Variants in CHRNA7 observed in about 807,000 individuals in gnomAD.
CHRNA7 encodes the protein cholinergic receptor nicotinic alpha 7 subunit, also known as neuronal acetylcholine receptor subunit alpha-7.
CHRNA7 carries 17 observed loss-of-function variants against 48.0 expected under a neutral mutation model. The observed-to-expected ratio is 0.35, with a 90% CI of 0.24 to 0.53. The LOEUF is 0.53. Among genes scored for constraint, CHRNA7 ranks in the 20% least tolerant of loss-of-function variants. The pLI is 0.92. For synonymous variants in CHRNA7, 75 were observed against 242.3 expected, an observed-to-expected ratio of 0.31 and a Z score of 6.41; for missense variants, 155 against 577.7, an observed-to-expected ratio of 0.27 and a Z score of 7.50.
chr15:32,127,339 C>T (rs770813065), intron 4 of CHRNA7, among the ~76,000 whole-genome samples: 31 of 152,230 alleles, frequency 2.0e-4, no homozygotes, highest in East Asian at 5.8e-4. Flanking sequence ...TACATAAGCA[C>T]GCAATTGTTA....
At position 32,172,266 on chromosome 15, in the gene CHRNA7, ATGAATG is replaced by A. The variant is rs2052427357; in HGVS notation, c.*3810_*3815del. On this transcript the variant is annotated 3_prime_UTR_variant, in exon 10 of 10. Coordinates refer to ENST00000306901, the MANE Select transcript of CHRNA7 (RefSeq NM_000746.6). Reference sequence around the variant, plus strand: ...ATAAGAAAGTAGTTGGTTTTTATGTATGAATGTTATAATCAACCACAAATTGTGATT... The same window carrying A: ...ATAAGAAAGTAGTTGGTTTTTATGTATTATAATCAACCACAAATTGTGATT... 4 of 94,414 alleles carry A rather than the reference ATGAATG, an allele frequency of 4.2e-5. 1 individual carries two copies. The South Asian group carries it at 2.1e-3, about 49-fold the overall frequency. 5.8% of individuals were successfully genotyped at this position (94,414 alleles called of 1,614,324 possible). A position where few individuals can be genotyped will look rare whatever the true frequency, so the allele number is the denominator to read the frequency against.
chr15:32,102,270 G>C (rs140713902), intron 3 of CHRNA7: 1 of 152,064 alleles, frequency 6.6e-6, no homozygotes, highest in Non-Finnish European at 1.5e-5. Flanking sequence ...TCAGACTCCC[G>C]AACAGCTGGA....
chr15:32,045,219 T>G (rs1028779753), intron 2 of CHRNA7, among the ~76,000 whole-genome samples: 1 of 152,212 alleles, frequency 6.6e-6, no homozygotes, highest in African/African-American at 2.4e-5. Context: ...TTTTTATTAG[T>G]GATGGCTCTT....
chr15:32,098,904 A>ACG (rs1397983027), intron 2 of CHRNA7: 1 of 154,544 alleles, frequency 6.5e-6, no homozygotes, highest in African/African-American at 2.4e-5. Context: ...ACACACACAC[A>ACG]CACACTTTTT....
intron 2 of CHRNA7, among the ~76,000 whole-genome samples, chr15:32,095,067 G>A (rs889610576): frequency 6.6e-6 from 1 of 152,248 alleles, no homozygotes; most frequent in African/African-American, 2.4e-5. Flanking sequence ...AAAGTTCAGG[G>A]GATGGGACTA....
intron 4 of CHRNA7, among the ~76,000 whole-genome samples, chr15:32,143,314 A>G (rs112233284): frequency 2.0e-5 from 3 of 152,238 alleles, no homozygotes; most frequent in African/African-American, 7.2e-5. Context: ...GTTCTTTTAC[A>G]TTTGCCGAGG....
At chr15:32,078,691 G>C (rs1291874376) in intron 2 of CHRNA7, among the ~76,000 whole-genome samples, 1 of 145,066 alleles carries the variant, frequency 6.9e-6, no homozygotes, top group African/African-American at 2.5e-5. Flanking sequence ...CCCAGGACCA[G>C]ATGGATTTAT....
intron 2 of CHRNA7, among the ~76,000 whole-genome samples, chr15:32,047,224 T>G (rs1407635508): frequency 4.9e-5 from 7 of 143,058 alleles, no homozygotes; most frequent in Non-Finnish European, 1.1e-4. Flanking sequence ...ATTGGTAGCT[T>G]GATGGGGATG....
At chr15:32,074,853 C>T (rs937685333) in intron 2 of CHRNA7, among the ~76,000 whole-genome samples, 2 of 151,808 alleles carry the variant, frequency 1.3e-5, no homozygotes, top group Admixed American at 6.6e-5. Flanking sequence ...TTCACCATGT[C>T]GGCCAGCCTA....
chr15:32,126,510 C>T (rs995317102), intron 4 of CHRNA7, among the ~76,000 whole-genome samples: 1 of 152,180 alleles, frequency 6.6e-6, no homozygotes, highest in Non-Finnish European at 1.5e-5. Context: ...TGGGTAGCCA[C>T]GACACAGTCA....
At chr15:32,108,246 C>T (rs2050704186) in intron 3 of CHRNA7, among the ~76,000 whole-genome samples, 1 of 152,106 alleles carries the variant, frequency 6.6e-6, no homozygotes, top group African/African-American at 2.4e-5. Flanking sequence ...GCCCCTTCCT[C>T]CCTTCCCTTC....
At chr15:32,095,362 C>A (rs990614269) in intron 2 of CHRNA7, among the ~76,000 whole-genome samples, 11 of 152,166 alleles carry the variant, frequency 7.2e-5, no homozygotes, top group African/African-American at 2.7e-4. Flanking sequence ...GTGATTATAT[C>A]TATCAATATT....
chr15:32,115,547 T>C (rs944222134), intron 4 of CHRNA7, among the ~76,000 whole-genome samples: 5 of 152,020 alleles, frequency 3.3e-5, no homozygotes, highest in African/African-American at 9.7e-5. Context: ...CTTTGGCTCA[T>C]TGATGCACCA....
chr15:32,087,308 G>A (rs1297100707), intron 2 of CHRNA7, among the ~76,000 whole-genome samples: 2 of 152,174 alleles, frequency 1.3e-5, no homozygotes, highest in African/African-American at 4.8e-5. Flanking sequence ...TGGCTTAACA[G>A]CACTGGTGTT....
rs1473149365 is a variant in CHRNA7 at position 32,170,278 on chromosome 15, T to C, written c.*1820T>C. ...TGTGCGGTGTGTGTGTGTGTGTAAG[T>C]GTGAGGTACCTTGTGTGTGACAAGA... On this transcript the variant is annotated 3_prime_UTR_variant, in exon 10 of 10. Coordinates refer to ENST00000306901, the MANE Select transcript of CHRNA7 (RefSeq NM_000746.6). The C allele has an allele frequency of 8.2e-6, 1 of 121,854 alleles. No homozygotes were observed. The highest frequency in any genetic ancestry group is 3.2e-5 in the African/African-American group (1 of 30,818). 7.5% of individuals were successfully genotyped at this position (121,854 alleles called of 1,614,324 possible).
chr15:32,064,895 A>C (rs2049940516), intron 2 of CHRNA7, among the ~76,000 whole-genome samples: 1 of 152,188 alleles, frequency 6.6e-6, no homozygotes, highest in African/African-American at 2.4e-5. Flanking sequence ...GGCAGTTGCC[A>C]CTTGTGCATT....
chr15:32,084,982 A>G (rs2050272477), intron 2 of CHRNA7, among the ~76,000 whole-genome samples: 1 of 151,938 alleles, frequency 6.6e-6, no homozygotes, highest in Non-Finnish European at 1.5e-5. Flanking sequence ...ACAGGCACCC[A>G]CCACCACGCT....
At position 32,142,624 on chromosome 15, in the gene CHRNA7, A is replaced by G. The variant is rs374477263; in HGVS notation, c.351-11283A>G. ...TGTTGTTAGTCTATTCAGAGATTCA[A>G]CTTCTTCCTAGTTTAGTCTTGGGAG... is the stretch of plus-strand genomic sequence containing the variant. On this transcript the variant is annotated intron_variant, in intron 4 of 9. Transcript: ENST00000306901. 4.6e-5 allele frequency among the ~76,000 whole-genome samples: 7 copies of G among 152,292 alleles called. No homozygotes were observed. The South Asian group carries it at 6.2e-4, about 14-fold the overall frequency.
intron 3 of CHRNA7, among the ~76,000 whole-genome samples, chr15:32,106,616 ATAATCTGATT>A (rs1490290265): frequency 6.6e-5 from 10 of 152,230 alleles, no homozygotes; most frequent in Non-Finnish European, 1.3e-4. Context: ...GTTGTCAGAC[ATAATCTGATT>A]TAATCTATGA....
Sources: gnomAD v4.1 joint callset for allele counts (sites outside exome capture counted in the v4.1 genomes callset) on GRCh38, gnomAD v4.1.1 for gene constraint, MANE v1.5 for transcripts, NCBI Gene and HGNC (gene_info 2026-07-23, HGNC 2026-07-21) for gene names.